Variants in ROBO1 observed in about 807,000 individuals in gnomAD.
ROBO1 encodes roundabout homolog 1.
A neutral mutation model predicts 195.9 loss-of-function variants in ROBO1; 149 were observed. The ratio of observed to expected loss-of-function variants is 0.76; its 90% CI spans 0.67 to 0.87. The LOEUF is 0.87. Among genes scored for constraint, ROBO1 ranks in the 40% least tolerant of loss-of-function variants. The pLI, the probability that ROBO1 is intolerant of heterozygous loss-of-function variation, is 0.00. For missense variants in ROBO1, 1,933 were observed against 2,068.3 expected (o/e 0.93, Z 1.27); for synonymous variants, 816 against 733.2 (o/e 1.11, Z -1.82).
chr3:79,243,206 G>A, intron 2 of ROBO1, among the ~76,000 whole-genome samples: 1 of 151,962 alleles, frequency 6.6e-6, no homozygotes, highest in Non-Finnish European at 1.5e-5. Flanking sequence ...GTGTATATGT[G>A]CCACATTTTC....
chr3:78,874,589 T>G (rs2035731683), intron 4 of ROBO1, among the ~76,000 whole-genome samples: 1 of 151,900 alleles, frequency 6.6e-6, no homozygotes, highest in Admixed American at 6.6e-5. Flanking sequence ...TGTCATACAC[T>G]TTCAAGTATT....
intron 4 of ROBO1, among the ~76,000 whole-genome samples, chr3:78,887,460 C>T (rs1296306949): frequency 6.6e-6 from 1 of 152,070 alleles, no homozygotes; most frequent in Non-Finnish European, 1.5e-5. Context: ...GAAGATTTCC[C>T]AGAAATGACA....
At chr3:78,907,911 T>C (rs535571537) in intron 4 of ROBO1, among the ~76,000 whole-genome samples, 1 of 151,972 alleles carries the variant, frequency 6.6e-6, no homozygotes, top group Non-Finnish European at 1.5e-5. Flanking sequence ...TTAAGAAGGA[T>C]AACAATAAAA....
chr3:79,029,472 A>C (rs2078256608), intron 3 of ROBO1, among the ~76,000 whole-genome samples: 1 of 152,172 alleles, frequency 6.6e-6, no homozygotes, highest in Non-Finnish European at 1.5e-5. Context: ...TGTAGAGAAC[A>C]CTTGACAAAG....
In ROBO1 at chr3:78,647,972, A is replaced by G. The variant is rs150571534; in HGVS notation, c.2813-317T>C. Among the ~76,000 whole-genome samples, 103 of 152,204 alleles carry G rather than the reference A, an allele frequency of 6.8e-4. 1 individual carries two copies. Among genetic ancestry groups the G allele is most frequent in the Admixed American group, 1.5e-3 (23 of 15,252 alleles). On this transcript the variant is annotated intron_variant, in intron 19 of 30. Transcript: ENST00000464233. ...GCTTTCGTACAAACAAGAATCCTCCACTATTAATCATCTCCAAACACAGGA... is the reference window on the plus strand; with the variant it reads ...GCTTTCGTACAAACAAGAATCCTCCGCTATTAATCATCTCCAAACACAGGA...
At chr3:78,947,857 C>T (rs2040540510) in intron 3 of ROBO1, among the ~76,000 whole-genome samples, 1 of 152,170 alleles carries the variant, frequency 6.6e-6, no homozygotes, top group Non-Finnish European at 1.5e-5. Flanking sequence ...ACCAATCCCA[C>T]AGAAACACAA....
intron 2 of ROBO1, among the ~76,000 whole-genome samples, chr3:79,126,072 C>CTT (rs1326695745): frequency 2.0e-5 from 3 of 152,098 alleles, no homozygotes; most frequent in African/African-American, 7.2e-5. Context: ...AAATGTCATA[C>CTT]TTTTTTCTGA....
At chr3:79,206,400 G>A (rs1257883536) in intron 2 of ROBO1, among the ~76,000 whole-genome samples, 3 of 152,152 alleles carry the variant, frequency 2.0e-5, no homozygotes, top group East Asian at 1.9e-4. Flanking sequence ...TCTTTGAAGC[G>A]AAAAAGTGAA....
intron 1 of ROBO1, among the ~76,000 whole-genome samples, chr3:79,674,501 C>T (rs1946723512): frequency 6.6e-6 from 1 of 151,858 alleles, no homozygotes; most frequent in African/African-American, 2.4e-5. Context: ...ATAACCCATA[C>T]TTATACAGTA....
Position 79,639,314 on chromosome 3 carries a change from C to T in ROBO1, c.-50-49353G>A, listed in dbSNP as rs561505085. Among the ~76,000 whole-genome samples the T allele has an allele frequency of 2.0e-5, 3 of 152,188 alleles. No individual in the cohort carries two copies. In the East Asian group the frequency reaches 5.8e-4, roughly 29 times the overall value. On this transcript the variant is annotated intron_variant, in intron 1 of 30. Transcript: ENST00000464233. ...TGCATTTTCAAAATATATCTTGATA[C>T]ATTCATTTATTATTTTTTTCCTAAA...
chr3:78,995,329 G>C (rs950310943), intron 3 of ROBO1, among the ~76,000 whole-genome samples: 2 of 151,970 alleles, frequency 1.3e-5, no homozygotes, highest in African/African-American at 4.8e-5. Context: ...ATGGTGCCTA[G>C]GCTTGCTCCA....
intron 4 of ROBO1, among the ~76,000 whole-genome samples, chr3:78,749,869 G>T (rs966441285): frequency 6.6e-6 from 1 of 151,906 alleles, no homozygotes; most frequent in African/African-American, 2.4e-5. Context: ...GATTTGAATC[G>T]TATGAAAATT....
At chr3:78,961,270 G>A (rs1159154842) in intron 3 of ROBO1, among the ~76,000 whole-genome samples, 1 of 152,092 alleles carries the variant, frequency 6.6e-6, no homozygotes, top group Non-Finnish European at 1.5e-5. Context: ...AAAAGACAGG[G>A]AGAGATGAAT....
At chr3:79,104,530 A>AT (rs966292728) in intron 3 of ROBO1, among the ~76,000 whole-genome samples, 10 of 151,560 alleles carry the variant, frequency 6.6e-5, no homozygotes, top group South Asian at 2.1e-4. Context: ...GCACCTTCTG[A>AT]TTTTTTTTAT....
chr3:78,674,834 T>A (rs1708297816), intron 10 of ROBO1, among the ~76,000 whole-genome samples: 1 of 152,180 alleles, frequency 6.6e-6, no homozygotes, highest in Non-Finnish European at 1.5e-5. Flanking sequence ...TCTTTTTTTA[T>A]GTATACCTAT....
chr3:79,029,577 C>A (rs1027315098), intron 3 of ROBO1, among the ~76,000 whole-genome samples: 1 of 152,180 alleles, frequency 6.6e-6, no homozygotes, highest in African/African-American at 2.4e-5. Context: ...GTTGGCAATG[C>A]ATACAGAGAT....
intron 14 of ROBO1, 55 bp from the exon 15 acceptor site, chr3:78,662,169 T>C: frequency 6.6e-7 from 1 of 1,512,820 alleles, no homozygotes; most frequent in Non-Finnish European, 8.9e-7. Flanking sequence ...CTGAACGGAA[T>C]GAAAGCATGG....
intron 3 of ROBO1, chr3:79,019,363 G>A (rs1191745050): frequency 2.0e-6 from 2 of 985,696 alleles, no homozygotes; most frequent in African/African-American, 1.7e-5. Context: ...ATGCTGCTGC[G>A]GGTGGGAGAG....
In ROBO1 at chr3:79,603,663, C is replaced by A. The variant is rs188488501; in HGVS notation, c.-50-13702G>T. Among the ~76,000 whole-genome samples the A allele has an allele frequency of 3.3e-5, 5 of 152,080 alleles. No homozygotes were observed. In the East Asian group the frequency reaches 9.7e-4, roughly 30 times the overall value. ...CACTGAGATTGGTCTAATGCTCAGA[C>A]CTGTCTGTGCTTTGAGTAAATACAT... On this transcript the variant is annotated intron_variant, in intron 1 of 30. Transcript: ENST00000464233.
Sources: gnomAD v4.1 joint callset for allele counts (sites outside exome capture counted in the v4.1 genomes callset) on GRCh38, gnomAD v4.1.1 for gene constraint, MANE v1.5 for transcripts, NCBI Gene and HGNC (gene_info 2026-07-23, HGNC 2026-07-21) for gene names.